Variants in CARNMT1 observed in about 807,000 individuals in gnomAD.
CARNMT1 encodes protein-L-histidine N-pros-methyltransferase CARNMT1.
Under a neutral mutation model 49.6 loss-of-function variants are expected in CARNMT1, and 28 were observed. The ratio of observed to expected loss-of-function variants is 0.56; its 90% CI spans 0.42 to 0.77. The LOEUF is 0.77. Ranked by LOEUF, CARNMT1 falls within the 30% of genes least tolerant of loss-of-function variation. The probability of loss-of-function intolerance (pLI) is 0.00; values close to 1 mark genes in which losing one functional copy is unlikely to be tolerated. For synonymous variants in CARNMT1, 178 were observed against 175.0 expected, an observed-to-expected ratio of 1.02 and a Z score of -0.13; for missense variants, 421 against 512.6, an observed-to-expected ratio of 0.82 and a Z score of 1.73.
intron 3 of CARNMT1, chr9:75,010,244 C>T (rs548606548): frequency 2.6e-5 from 4 of 151,212 alleles, no homozygotes; most frequent in Non-Finnish European, 5.9e-5. Flanking sequence ...CTGCCTCAGC[C>T]TTCCAAGTAG....
At chr9:75,027,762 C>G (rs1822572841) in intron 1 of CARNMT1, among the ~76,000 whole-genome samples, 1 of 152,222 alleles carries the variant, frequency 6.6e-6, no homozygotes, top group Admixed American at 6.5e-5. Flanking sequence ...GGCAGGAGAG[C>G]TAATCTGATC....
At chr9:75,008,558 G>A (rs746534389) in intron 3 of CARNMT1, among the ~76,000 whole-genome samples, 1 of 151,962 alleles carries the variant, frequency 6.6e-6, no homozygotes. Flanking sequence ...CACCTGCCTC[G>A]GCCCCCCAAA....
chr9:75,022,475 T>C (rs1470055296), intron 1 of CARNMT1, among the ~76,000 whole-genome samples: 2 of 152,102 alleles, frequency 1.3e-5, no homozygotes, highest in African/African-American at 4.8e-5. Flanking sequence ...CTGCCAACCT[T>C]GGTCTCCAAA....
chr9:74,990,833 T>C (rs1322404785), intron 6 of CARNMT1, among the ~76,000 whole-genome samples: 1 of 152,190 alleles, frequency 6.6e-6, no homozygotes, highest in Non-Finnish European at 1.5e-5. Context: ...GCCAAATCTG[T>C]GACAGGCGGA....
chr9:74,996,476 A>G lies in CARNMT1; in HGVS notation c.995T>C (p.Leu332Pro). 6.2e-7 allele frequency: 1 copy of G among 1,602,740 alleles called. No homozygotes were observed. Among genetic ancestry groups the G allele is most frequent in the Non-Finnish European group, 8.5e-7 (1 of 1,175,590 alleles). The change falls in exon 6 of 8, where the codon CTC (leucine) becomes CCC (proline). Residue 332 changes from leucine to proline, a missense_variant. Leu to Pro is a moderately conservative substitution (Grantham distance 98). Transcript: ENST00000376834. ...IDYIDTIWKI[L>P]KPGGIWINLG... ...ATTTATCCAAATTCCACCTGGCTTG[A>G]GTATTTTCCATATTGTATCAATATA...
intron 1 of CARNMT1, among the ~76,000 whole-genome samples, chr9:75,018,684 A>G (rs776949509): frequency 1.4e-4 from 21 of 152,030 alleles, no homozygotes; most frequent in Non-Finnish European, 2.4e-4. Flanking sequence ...GATAAGAAAC[A>G]GGTGGGCGCA....
intron 1 of CARNMT1, among the ~76,000 whole-genome samples, chr9:75,023,135 CAA>C (rs1028060302): frequency 2.4e-4 from 16 of 65,374 alleles, no homozygotes; most frequent in Non-Finnish European, 2.2e-4. Context: ...GAGCAAGACT[CAA>C]AAAAAAAAAA....
At chr9:74,991,396 T>A (rs1833007642) in intron 6 of CARNMT1, 1 of 152,476 alleles carries the variant, frequency 6.6e-6, no homozygotes, top group Non-Finnish European at 1.5e-5. Context: ...CTGCCTCACC[T>A]CCCAAAGTGC....
intron 6 of CARNMT1, among the ~76,000 whole-genome samples, chr9:74,986,002 A>G (rs1195547792): frequency 6.6e-6 from 1 of 152,220 alleles, no homozygotes; most frequent in Non-Finnish European, 1.5e-5. Flanking sequence ...CATTCTATAC[A>G]TTCAAGAAAT....
chr9:75,028,422 C>G (rs1042082337), upstream of CARNMT1: 1 of 1,282,116 alleles, frequency 7.8e-7, no homozygotes, highest in Non-Finnish European at 9.8e-7. Flanking sequence ...CTTCAGGGCT[C>G]CCAGAACCAA....
At chr9:75,027,051 A>T in intron 1 of CARNMT1, 1 of 1,302,680 alleles carries the variant, frequency 7.7e-7, no homozygotes, top group Non-Finnish European at 1.0e-6. Context: ...GAACAGGTTT[A>T]CCTGCGTAGG....
At chr9:75,014,020 TA>T (rs56029312) in intron 3 of CARNMT1, among the ~76,000 whole-genome samples, 9,856 of 67,374 alleles carry the variant, frequency 0.15, 784 homozygotes, top group East Asian at 0.31. Context: ...TCCACTTACT[TA>T]AAAAAAAAAA....
At chr9:75,020,267 C>CTT (rs200444980) in intron 1 of CARNMT1, among the ~76,000 whole-genome samples, 39 of 124,288 alleles carry the variant, frequency 3.1e-4, no homozygotes, top group African/African-American at 7.9e-4. Flanking sequence ...CATTTTTCTT[C>CTT]TTTTTTTTTT....
chr9:75,022,899 C>G (rs1822415321), intron 1 of CARNMT1, among the ~76,000 whole-genome samples: 1 of 152,188 alleles, frequency 6.6e-6, no homozygotes, highest in Non-Finnish European at 1.5e-5. Context: ...CTTTGAGAGG[C>G]TGAGGTGGGC....
intron 1 of CARNMT1, among the ~76,000 whole-genome samples, chr9:75,018,931 C>T (rs1291592802): frequency 6.9e-6 from 1 of 144,402 alleles, no homozygotes; most frequent in Non-Finnish European, 1.5e-5. Flanking sequence ...TGCACCACTG[C>T]GTTCCAGCCT....
At chr9:74,997,137 G>C (rs1437119875) in intron 5 of CARNMT1, among the ~76,000 whole-genome samples, 1 of 152,132 alleles carries the variant, frequency 6.6e-6, no homozygotes, top group African/African-American at 2.4e-5. Flanking sequence ...ACAAATGCTG[G>C]TGCAATAAAG....
chr9:74,983,698 G>T lies in CARNMT1; in HGVS notation c.*69C>A. The T allele has an allele frequency of 1.1e-6, 1 of 892,366 alleles. No homozygotes were observed. Among genetic ancestry groups the T allele is most frequent in the South Asian group, 1.6e-5 (1 of 60,854 alleles). 55.3% of individuals were successfully genotyped at this position (892,366 alleles called of 1,614,324 possible). On this transcript the variant is annotated 3_prime_UTR_variant, in exon 8 of 8. Transcript: ENST00000376834. The stretch of plus-strand genomic sequence containing the variant: ...TTGTGTCCTGTCATCACTGATAGTT[G>T]ATTTTGAGTCGTTGATTTCAGCATT...
intron 1 of CARNMT1, among the ~76,000 whole-genome samples, chr9:75,025,924 C>T (rs1822514978): frequency 6.6e-6 from 1 of 152,142 alleles, no homozygotes; most frequent in African/African-American, 2.4e-5. Context: ...TTATTAAATA[C>T]TAATTAATTT....
intron 1 of CARNMT1, chr9:75,027,325 T>C: frequency 1.3e-6 from 1 of 784,804 alleles, no homozygotes; most frequent in Non-Finnish European, 1.5e-6. Flanking sequence ...TAGATACAGA[T>C]TTGCAGAAAA....
Sources: allele counts gnomAD v4.1 joint callset (sites outside exome capture counted in the v4.1 genomes callset), GRCh38; gene constraint gnomAD v4.1.1; transcripts MANE v1.5; gene names NCBI Gene and HGNC (gene_info 2026-07-23, HGNC 2026-07-21).